TUSC3: variants seen among roughly 807,000 people sequenced by gnomAD.
The protein encoded by TUSC3 is dolichyl-diphosphooligosaccharide--protein glycosyltransferase subunit TUSC3.
In TUSC3, 45 loss-of-function variants were observed where a neutral mutation model predicts 44.8. The ratio of observed to expected loss-of-function variants is 1.00; its 90% CI spans 0.79 to 1.29. TUSC3 has a LOEUF of 1.29. Among genes scored for constraint, TUSC3 ranks in the 50% most tolerant of loss-of-function variants. The pLI, the probability that TUSC3 is intolerant of heterozygous loss-of-function variation, is 0.00. For missense variants in TUSC3, 519 were observed against 437.9 expected (o/e 1.19, Z -1.65); for synonymous variants, 212 against 152.9 (o/e 1.39, Z -2.85).
At chr8:15,526,609 G>A (rs572499678) in intron 2 of TUSC3, among the ~76,000 whole-genome samples, 5 of 152,130 alleles carry the variant, frequency 3.3e-5, no homozygotes, top group Admixed American at 6.5e-5. Flanking sequence ...TCATTCTCTC[G>A]TCTGCCGCCA....
chr8:15,780,617 G>A, the TUSC3 span, among the ~76,000 whole-genome samples: 1 of 152,170 alleles, frequency 6.6e-6, no homozygotes, highest in East Asian at 1.9e-4. Flanking sequence ...GTCTGCATCA[G>A]AGAGCTAATG....
At chr8:15,656,610 GCCAGGCCCAAGCCCACGCAACAGCTCTC>G (rs59966085) in intron 3 of TUSC3, among the ~76,000 whole-genome samples, 3,351 of 152,056 alleles carry the variant, frequency 0.022, 64 homozygotes, top group African/African-American at 0.044. Flanking sequence ...CTATAGCTTT[GCCAGGCCCAAGCCCACGCAACAGCTCTC>G]CCAGGCCCAA....
intron 2 of TUSC3, among the ~76,000 whole-genome samples, chr8:15,503,047 C>T (rs116408433): frequency 0.013 from 1,940 of 152,236 alleles, 40 homozygotes; most frequent in African/African-American, 0.044. Flanking sequence ...AAACCAGTTA[C>T]GGGTTTATGT....
chr8:15,570,265 T>TACAC (rs3070896), intron 1 of TUSC3, among the ~76,000 whole-genome samples: 4,101 of 148,142 alleles, frequency 0.028, 64 homozygotes, highest in Middle Eastern at 0.067. Context: ...TAATGTATTT[T>TACAC]ACACACACAC....
At chr8:15,460,346 A>G (rs1022403561) in intron 1 of TUSC3, among the ~76,000 whole-genome samples, 1 of 152,088 alleles carries the variant, frequency 6.6e-6, no homozygotes, top group Non-Finnish European at 1.5e-5. Context: ...TCTTTTGAGA[A>G]TTACCTATTC....
intron 2 of TUSC3, among the ~76,000 whole-genome samples, chr8:15,492,054 T>C (rs1389395451): frequency 6.6e-6 from 1 of 152,222 alleles, no homozygotes; most frequent in Admixed American, 6.5e-5. Flanking sequence ...TTACTCCTCA[T>C]ATTCCTGGCT....
Position 15,764,282 on chromosome 8 carries a change from C to T in TUSC3, c.*126C>T. The T allele has an allele frequency of 5.2e-6, 8 of 1,535,350 alleles. No individual in the cohort carries two copies. Among genetic ancestry groups the T allele is most frequent in the Non-Finnish European group, 6.3e-6 (7 of 1,113,430 alleles). ...AAGATAAACTGTTCCTGACTTTATA[C>T]TATTTTGAATTCATTCATTTCATTG... On this transcript the variant is annotated 3_prime_UTR_variant, in exon 11 of 11. Coordinates refer to ENST00000503731, the MANE Select transcript of TUSC3 (RefSeq NM_006765.4).
At chr8:15,786,552 G>C in the TUSC3 span, among the ~76,000 whole-genome samples, 1 of 152,122 alleles carries the variant, frequency 6.6e-6, no homozygotes, top group Non-Finnish European at 1.5e-5. Context: ...ATGCAGAATA[G>C]AGAAAAAGAT....
intron 2 of TUSC3, among the ~76,000 whole-genome samples, chr8:15,490,792 T>C (rs770616218): frequency 6.6e-6 from 1 of 152,214 alleles, no homozygotes; most frequent in Non-Finnish European, 1.5e-5. Context: ...ACAGGAGATA[T>C]TTTTCTCATA....
At chr8:15,608,511 A>G (rs1184391561) in intron 1 of TUSC3, among the ~76,000 whole-genome samples, 4 of 152,058 alleles carry the variant, frequency 2.6e-5, no homozygotes, top group Non-Finnish European at 5.9e-5. Flanking sequence ...TTACCTTTGT[A>G]TATTGATATG....
chr8:15,543,512 G>A (rs1330112087), intron 1 of TUSC3, among the ~76,000 whole-genome samples: 1 of 151,992 alleles, frequency 6.6e-6, no homozygotes, highest in African/African-American at 2.4e-5. Flanking sequence ...TAGTTTGCTT[G>A]CTTTAAAATA....
At chr8:15,589,206 C>T (rs1803721704) in intron 1 of TUSC3, among the ~76,000 whole-genome samples, 1 of 152,126 alleles carries the variant, frequency 6.6e-6, no homozygotes, top group Admixed American at 6.6e-5. Flanking sequence ...TGTGTCTTTA[C>T]AGGTGACACA....
At chr8:15,528,162 T>TA (rs1226471877) in intron 2 of TUSC3, among the ~76,000 whole-genome samples, 4 of 150,974 alleles carry the variant, frequency 2.6e-5, no homozygotes, top group Non-Finnish European at 5.9e-5. Context: ...TTTGGTACTA[T>TA]AAAAAATACT....
intron 1 of TUSC3, among the ~76,000 whole-genome samples, chr8:15,581,994 T>G (rs146465621): frequency 4.6e-5 from 7 of 151,712 alleles, no homozygotes; most frequent in Non-Finnish European, 8.8e-5. Context: ...GAGCCAGGTG[T>G]GGGATATAAT....
chr8:15,625,294 G>C (rs966659301), intron 2 of TUSC3, among the ~76,000 whole-genome samples: 4 of 152,108 alleles, frequency 2.6e-5, no homozygotes, highest in African/African-American at 9.7e-5. Flanking sequence ...ACACTGGTCT[G>C]TAGTTTTTAT....
chr8:15,621,516 T>TA (rs1439213322), intron 1 of TUSC3, among the ~76,000 whole-genome samples: 2 of 135,980 alleles, frequency 1.5e-5, no homozygotes, highest in African/African-American at 5.2e-5. Context: ...TAAATATATG[T>TA]AAAATATATA....
the TUSC3 span, chr8:15,806,870 A>T: frequency 8.7e-7 from 1 of 1,144,330 alleles, no homozygotes; most frequent in Non-Finnish European, 1.3e-6. Context: ...TAATGAAATA[A>T]TTATGTTGGG....
chr8:15,572,205 T>G (rs1266926450), intron 1 of TUSC3, among the ~76,000 whole-genome samples: 1 of 152,198 alleles, frequency 6.6e-6, no homozygotes, highest in African/African-American at 2.4e-5. Flanking sequence ...TCTCCATCAA[T>G]TATGCTAGCT....
intron 7 of TUSC3, among the ~76,000 whole-genome samples, chr8:15,736,102 T>A (rs1006032958): frequency 6.6e-6 from 1 of 152,030 alleles, no homozygotes; most frequent in African/African-American, 2.4e-5. Context: ...CAAATGTGTG[T>A]GGGGATATGT....
Sources: gnomAD v4.1 joint callset for allele counts (sites outside exome capture counted in the v4.1 genomes callset) on GRCh38, gnomAD v4.1.1 for gene constraint, MANE v1.5 for transcripts, NCBI Gene and HGNC (gene_info 2026-07-23, HGNC 2026-07-21) for gene names.